The following PFKP variants were observed in gnomAD, a reference collection of about 807,000 sequenced individuals.
PFKP encodes phosphofructokinase, platelet, also known as ATP-dependent 6-phosphofructokinase, platelet type.
PFKP carries 101 observed loss-of-function variants against 94.3 expected under a neutral mutation model. The observed-to-expected ratio is 1.07, with a 90% CI of 0.91 to 1.26. The LOEUF (loss-of-function observed/expected upper bound fraction) is 1.26, where lower values mean the gene tolerates loss of function less well. PFKP is among the 50% of genes most tolerant of loss of function. The pLI, the probability that PFKP is intolerant of heterozygous loss-of-function variation, is 0.00. For missense variants in PFKP, 1,145 were observed against 1,103.3 expected (o/e 1.04, Z -0.53); for synonymous variants, 573 against 432.6 (o/e 1.32, Z -4.03).
chr10:3,113,406 C>G lies in PFKP; in HGVS notation c.1259C>G (p.Ala420Gly), dbSNP rs1455683140. ...AACGTAGCTGTCATCAACGTGGGGG[C>G]ACCCGCGGCTGGGATGAACGCAGCC... ...NCNVAVINVGAPAAGMNAAVR... is the reference protein window; with the variant it reads ...NCNVAVINVGGPAAGMNAAVR... Residue 420 changes from alanine (A) to glycine (G), a missense_variant, in exon 13 of 22, where the codon GCA becomes GGA. This residue lies in a region of PFKP where 1,119 missense variants were observed against 1,062.8 expected (regional missense o/e 1.05). Transcript: ENST00000381125. The G allele has an allele frequency of 6.3e-7, 1 of 1,598,416 alleles. No homozygotes were observed. Among genetic ancestry groups the G allele is most frequent in the East Asian group, 2.2e-5 (1 of 44,616 alleles).
rs1835252499 is a variant in PFKP, at chr10:3,103,768, T to C, written c.455-11T>C. 1 of 1,613,586 alleles carries C rather than the reference T, an allele frequency of 6.2e-7. No individual in the cohort carries two copies. The highest frequency in any genetic ancestry group is 8.5e-7 in the Non-Finnish European group (1 of 1,179,904). ...TACGGCGATGAGACGTGCTGTTTGC[T>C]CCCCGCGCAGGCCAGATCGATAAGG... On this transcript the variant is annotated splice_polypyrimidine_tract_variant and intron_variant, in intron 4 of 21. Coordinates refer to ENST00000381125, the MANE Select transcript of PFKP (RefSeq NM_002627.5).
chr10:3,069,147 C>G, intron 1 of PFKP: 2 of 875,640 alleles, frequency 2.3e-6, no homozygotes, highest in African/African-American at 1.8e-5. Context: ...AGGCCCAGCG[C>G]CCCCCGCGGG....
At chr10:3,129,099 G>C (rs1415132251) in intron 16 of PFKP, 1 of 152,292 alleles carries the variant, frequency 6.6e-6, no homozygotes. Context: ...CCCAGGAAGA[G>C]GGCGTTGCAG....
At chr10:3,100,791 T>A in intron 3 of PFKP, 1 of 586,650 alleles carries the variant, frequency 1.7e-6, no homozygotes, top group East Asian at 2.8e-5. Context: ...CTATGTCCCC[T>A]GGAAGTTTGG....
chr10:3,116,842 A>G lies in PFKP; in HGVS notation c.1438A>G (p.Lys480Glu), dbSNP rs755995671. ...CCAAGGAGGCTCCATTCTTGGGACA[A>G]AACGGTAACTTCCAAATCTCAACTC... ...TGQGGSILGT[K>E]RVLPGKYLEE... The change falls in exon 14 of 22, where the codon AAA becomes GAA. Residue 480 changes from lysine (K) to glutamate (E), a missense_variant. Physicochemically the swap from Lys to Glu is moderately conservative, Grantham distance 56. This residue lies in a region of PFKP where 1,119 missense variants were observed against 1,062.8 expected (regional missense o/e 1.05). Coordinates refer to ENST00000381125, the MANE Select transcript of PFKP (RefSeq NM_002627.5). 4 of 1,606,954 alleles carry G rather than the reference A, an allele frequency of 2.5e-6. No homozygotes were observed. Among genetic ancestry groups the G allele is most frequent in the Non-Finnish European group, 1.7e-6 (2 of 1,173,440 alleles).
At chr10:3,101,697 T>C in intron 4 of PFKP, 143 bp downstream of exon 4, 1 of 582,764 alleles carries the variant, frequency 1.7e-6, no homozygotes, top group Non-Finnish European at 2.9e-6. Flanking sequence ...TTTTAGGATC[T>C]CAAAAAACAA....
intron 15 of PFKP, among the ~76,000 whole-genome samples, chr10:3,119,477 T>A (rs894728617): frequency 6.6e-6 from 1 of 151,882 alleles, no homozygotes; most frequent in African/African-American, 2.4e-5. Context: ...TGGTGGCAGG[T>A]GCCTGTAGTC....
chr10:3,099,295 C>T lies in PFKP; in HGVS notation c.207C>T (p.Asp69=), dbSNP rs201714163. ...CCTAGGGCTACCAGGGCATGGTGGA[C>T]GGAGGCTCAAACATCGCAGAGGCCG... ...FIYEGYQGMV[D]GGSNIAEADW... is the part of the protein sequence containing the mutation. Residue 69 remains aspartate, a synonymous_variant, in exon 3 of 22, where the codon GAC becomes GAT. Coordinates refer to ENST00000381125, the MANE Select transcript of PFKP (RefSeq NM_002627.5). The T allele has an allele frequency of 4.2e-5, 67 of 1,613,938 alleles. No individual in the cohort carries two copies. Among genetic ancestry groups the T allele is most frequent in the East Asian group, 3.3e-4 (15 of 44,882 alleles).
At chr10:3,106,661 C>T (rs1835611433) in intron 7 of PFKP, among the ~76,000 whole-genome samples, 1 of 34,294 alleles carries the variant, frequency 2.9e-5, no homozygotes, top group African/African-American at 8.4e-5. Context: ...CTGCCCCTCT[C>T]CTCACCCCTG....
intron 15 of PFKP, 108 bp from the exon 16 acceptor site, chr10:3,119,784 T>TGAAAAA: frequency 1.3e-6 from 1 of 771,398 alleles, no homozygotes; most frequent in Non-Finnish European, 2.0e-6. Context: ...GATGCCCCAG[T>TGAAAAA]GTGCTCCCTG....
In PFKP at chr10:3,113,418, G is replaced by T; in HGVS notation, c.1271G>T (p.Gly424Val). 1 of 1,602,994 alleles carries T rather than the reference G, an allele frequency of 6.2e-7. No individual in the cohort carries two copies. Among genetic ancestry groups the T allele is most frequent in the Non-Finnish European group, 8.5e-7 (1 of 1,173,092 alleles). The change falls in exon 13 of 22, where the codon GGG (glycine) becomes GTG (valine). Residue 424 changes from glycine to valine, a missense_variant. Around this residue, in one of 3 missense-constraint regions of PFKP, gnomAD observed 1,119 missense variants for 1,062.8 expected, o/e 1.05. Transcript: ENST00000381125. ...AVINVGAPAA[G>V]MNAAVRSAVR... is the part of the protein sequence containing the mutation. ...ATCAACGTGGGGGCACCCGCGGCTG[G>T]GATGAACGCAGCCGTACGCTCAGCT...
intron 2 of PFKP, among the ~76,000 whole-genome samples, chr10:3,086,415 G>A (rs951822177): frequency 6.6e-5 from 10 of 152,216 alleles, no homozygotes; most frequent in African/African-American, 2.2e-4. Context: ...AACAGAGTTC[G>A]GTCCCCGACC....
At chr10:3,116,311 C>T (rs79246554) in intron 13 of PFKP, among the ~76,000 whole-genome samples, 2,275 of 152,296 alleles carry the variant, frequency 0.015, 50 homozygotes, top group African/African-American at 0.04. Flanking sequence ...TCGAGCCCCA[C>T]GGGTTCTCCT....
intron 1 of PFKP, among the ~76,000 whole-genome samples, chr10:3,081,276 C>A (rs2131416061): frequency 6.6e-6 from 1 of 152,342 alleles, no homozygotes; most frequent in Admixed American, 6.5e-5. Context: ...TTTTTCTAAG[C>A]ATCTTCTGAG....
At chr10:3,091,771 G>A (rs1188667257) in intron 2 of PFKP, among the ~76,000 whole-genome samples, 1 of 152,066 alleles carries the variant, frequency 6.6e-6, no homozygotes, top group Non-Finnish European at 1.5e-5. Flanking sequence ...GGGTGACAGA[G>A]CGAGACTGTG....
At chr10:3,112,411 T>A in intron 11 of PFKP, 125 bp downstream of exon 11, 1 of 762,818 alleles carries the variant, frequency 1.3e-6, no homozygotes, top group Non-Finnish European at 2.4e-6. Flanking sequence ...AGTCAGGCAG[T>A]ACTCACAGCA....
chr10:3,108,886 A>G, intron 9 of PFKP, 93 bp downstream of exon 9: 1 of 930,216 alleles, frequency 1.1e-6, no homozygotes, highest in South Asian at 1.3e-5. Flanking sequence ...GAGGCTGGCA[A>G]GGTGCTCCCC....
At chr10:3,130,990 C>T (rs1180828982) in intron 17 of PFKP, among the ~76,000 whole-genome samples, 2 of 152,306 alleles carry the variant, frequency 1.3e-5, no homozygotes, top group African/African-American at 4.8e-5. Flanking sequence ...TGGAGTCATT[C>T]ACTGCATCAT....
At chr10:3,103,400 A>C (rs920469171) in intron 4 of PFKP, among the ~76,000 whole-genome samples, 4 of 152,138 alleles carry the variant, frequency 2.6e-5, no homozygotes, top group South Asian at 2.1e-4. Flanking sequence ...TAATCCCAGC[A>C]CTTTGGAAGG....
Sources: allele counts gnomAD v4.1 joint callset (sites outside exome capture counted in the v4.1 genomes callset), GRCh38; gene constraint gnomAD v4.1.1; regional missense constraint gnomAD v4.1.1; transcripts MANE v1.5; gene names NCBI Gene and HGNC (gene_info 2026-07-23, HGNC 2026-07-21).